The following PELI1 variants were observed in gnomAD, a reference collection of about 807,000 sequenced individuals.
PELI1 encodes the protein pellino E3 ubiquitin protein ligase 1, also known as E3 ubiquitin-protein ligase pellino homolog 1.
A neutral mutation model predicts 41.3 loss-of-function variants in PELI1; 15 were observed. The ratio of observed to expected loss-of-function variants is 0.36; its 90% CI spans 0.24 to 0.56. PELI1 has a LOEUF of 0.56. Ranked by LOEUF, PELI1 falls within the 20% of genes least tolerant of loss-of-function variation. PELI1 has a pLI of 0.82. For synonymous variants in PELI1, 178 were observed against 180.1 expected, an observed-to-expected ratio of 0.99 and a Z score of 0.09; for missense variants, 403 against 525.5, an observed-to-expected ratio of 0.77 and a Z score of 2.28.
intron 2 of PELI1, among the ~76,000 whole-genome samples, chr2:64,106,748 T>C (rs1680634682): frequency 6.6e-6 from 1 of 152,132 alleles, no homozygotes; most frequent in Admixed American, 6.5e-5. Flanking sequence ...ATTCTAGGAT[T>C]CCTAACATCC....
rs904401938 is a variant in PELI1, at chr2:64,094,568, A to G, written c.*134T>C. ...TGCTCAGAAATTGCTACTATTTATT[A>G]TAAATGTTTTAAAAAATTCTTCATC... On this transcript the variant is annotated 3_prime_UTR_variant, in exon 7 of 7. Transcript: ENST00000358912. 6 of 566,492 alleles carry G rather than the reference A, an allele frequency of 1.1e-5. No individual in the cohort carries two copies. The highest frequency in any genetic ancestry group is 7.5e-5 in the African/African-American group (4 of 53,554). The allele number at this position is 566,492 out of a possible 1,614,324, so 35.1% of individuals were successfully genotyped here.
rs1248124617 is a variant in PELI1, at chr2:64,096,543, T to C, written c.371A>G (p.Asn124Ser). Residue 124 changes from asparagine to serine, a missense_variant, in exon 5 of 7, where the codon AAT becomes AGT. Transcript: ENST00000358912. ...GCTTTGTACTGACTGTGTATCAGAA[T>C]TACTTTGACTTCCAGGAACCGTGTC... ...VTDTVPGSQSNSDTQSVQSTI... is the reference protein window; with the variant it reads ...VTDTVPGSQSSSDTQSVQSTI... 1 of 1,612,436 alleles carries C rather than the reference T, an allele frequency of 6.2e-7. No individual in the cohort carries two copies. The highest frequency in any genetic ancestry group is 8.5e-7 in the Non-Finnish European group (1 of 1,178,534).
rs182143118 is a variant in PELI1, at chr2:64,112,205, A to C, written c.-69-3826T>G. On this transcript the variant is annotated intron_variant, in intron 1 of 6. Coordinates refer to ENST00000358912, the MANE Select transcript of PELI1 (RefSeq NM_020651.4). ...AAGTGTAAATGCCCGTATTTGGCTG[A>C]CATTAGTATATCACATGGCTAGCAA... is the stretch of plus-strand genomic sequence containing the variant. 1.6e-3 allele frequency among the ~76,000 whole-genome samples: 239 copies of C among 152,340 alleles called. 1 individual carries two copies. The highest frequency in any genetic ancestry group is 5.4e-3 in the African/African-American group (224 of 41,580).
In PELI1 at chr2:64,131,465, TA is replaced by T. The variant is rs932801998; in HGVS notation, c.-70+12615del. Among the ~76,000 whole-genome samples, 36 of 152,296 alleles carry T rather than the reference TA, an allele frequency of 2.4e-4. No homozygotes were observed. The East Asian group carries it at 6.9e-3, about 29-fold the overall frequency. ...TATTTATTGTTGTATTGTTATTTTT[TA>T]TTATATTTGTTTTCCAAATATTTTT... is the stretch of plus-strand genomic sequence containing the variant. On this transcript the variant is annotated intron_variant, in intron 1 of 6. Transcript: ENST00000358912.
At chr2:64,105,794 C>T (rs1680599233) in intron 2 of PELI1, among the ~76,000 whole-genome samples, 1 of 152,172 alleles carries the variant, frequency 6.6e-6, no homozygotes, top group African/African-American at 2.4e-5. Flanking sequence ...CACCGTCCAC[C>T]TCCCCTGCCC....
intron 4 of PELI1, among the ~76,000 whole-genome samples, chr2:64,099,463 T>G (rs947955660): frequency 6.6e-6 from 1 of 152,168 alleles, no homozygotes; most frequent in African/African-American, 2.4e-5. Context: ...TTATTTTTGG[T>G]AAAAGTGAGG....
intron 1 of PELI1, among the ~76,000 whole-genome samples, chr2:64,109,270 A>G (rs1680725824): frequency 1.3e-5 from 2 of 152,244 alleles, no homozygotes; most frequent in African/African-American, 4.8e-5. Flanking sequence ...AAGCAGTGTC[A>G]ATAAAAGCCA....
chr2:64,122,294 C>CCTCAGTTG, intron 1 of PELI1, among the ~76,000 whole-genome samples: 1 of 145,648 alleles, frequency 6.9e-6, no homozygotes, highest in Non-Finnish European at 1.5e-5. Flanking sequence ...CTAGCAATTA[C>CCTCAGTTG]CTCAGTTGAG....
intron 1 of PELI1, among the ~76,000 whole-genome samples, chr2:64,142,894 G>C (rs1681959335): frequency 6.6e-6 from 1 of 152,166 alleles, no homozygotes; most frequent in African/African-American, 2.4e-5. Flanking sequence ...GTAACATTTT[G>C]CAGAGTAAGA....
intron 1 of PELI1, among the ~76,000 whole-genome samples, chr2:64,121,896 A>T (rs1438645371): frequency 6.7e-6 from 1 of 148,210 alleles, no homozygotes; most frequent in Non-Finnish European, 1.5e-5. Flanking sequence ...CAAGAGCAAA[A>T]CTCCGTCTTC....
At chr2:64,100,246 T>G in intron 4 of PELI1, 152 bp downstream of exon 4, 1 of 575,566 alleles carries the variant, frequency 1.7e-6, no homozygotes, top group Non-Finnish European at 3.0e-6. Flanking sequence ...CATGCTAGAT[T>G]GACTTCTATT....
rs367958241 is a variant in PELI1 at position 64,135,108 on chromosome 2, G to C, written c.-70+8973C>G. Among the ~76,000 whole-genome samples, 234 of 152,180 alleles carry C rather than the reference G, an allele frequency of 1.5e-3. 2 individuals carry two copies. In the Middle Eastern group the frequency reaches 0.02, roughly 13 times the overall value. On this transcript the variant is annotated intron_variant, in intron 1 of 6. Coordinates refer to ENST00000358912, the MANE Select transcript of PELI1 (RefSeq NM_020651.4). Reference sequence around the variant, plus strand: ...ATGGTTAGTATTACAGTAATGATGAGGTCCCCAATTGTTTGACATTTTTAG... The same window carrying C: ...ATGGTTAGTATTACAGTAATGATGACGTCCCCAATTGTTTGACATTTTTAG...
intron 1 of PELI1, among the ~76,000 whole-genome samples, chr2:64,118,764 T>G (rs1461344870): frequency 6.6e-6 from 1 of 152,174 alleles, no homozygotes. Context: ...TATTTAAATA[T>G]TAAATTGTAG....
At chr2:64,111,806 C>T (rs1406833100) in intron 1 of PELI1, among the ~76,000 whole-genome samples, 9 of 151,988 alleles carry the variant, frequency 5.9e-5, no homozygotes, top group Non-Finnish European at 8.8e-5. Context: ...TATTCATGCC[C>T]TCTCATTTCC....
At chr2:64,097,103 G>T (rs989282624) in intron 4 of PELI1, among the ~76,000 whole-genome samples, 1 of 152,170 alleles carries the variant, frequency 6.6e-6, no homozygotes, top group African/African-American at 2.4e-5. Context: ...GCTACAAGAG[G>T]TATACAAGGC....
intron 1 of PELI1, among the ~76,000 whole-genome samples, chr2:64,118,049 T>G (rs1681060066): frequency 6.6e-6 from 1 of 152,170 alleles, no homozygotes; most frequent in Non-Finnish European, 1.5e-5. Flanking sequence ...GACCTCGTGA[T>G]CTGCCCAACT....
At position 64,094,632 on chromosome 2, in the gene PELI1, A is replaced by C; in HGVS notation, c.*70T>G. On this transcript the variant is annotated 3_prime_UTR_variant, in exon 7 of 7. Transcript: ENST00000358912. ...CCAGAGCAGAAAAACTGTGACGTGGACAACAGGTTCGAAAACCCAACTCAC... is the reference window on the plus strand; with the variant it reads ...CCAGAGCAGAAAAACTGTGACGTGGCCAACAGGTTCGAAAACCCAACTCAC... 1 of 1,054,406 alleles carries C rather than the reference A, an allele frequency of 9.5e-7. No individual in the cohort carries two copies. The highest frequency in any genetic ancestry group is 1.4e-6 in the Non-Finnish European group (1 of 704,662). 65.3% of individuals were successfully genotyped at this position (1,054,406 alleles called of 1,614,324 possible). A position where few individuals can be genotyped will look rare whatever the true frequency, so the allele number is the denominator to read the frequency against.
At chr2:64,121,828 C>A (rs1436061258) in intron 1 of PELI1, among the ~76,000 whole-genome samples, 9 of 151,784 alleles carry the variant, frequency 5.9e-5, no homozygotes, top group Non-Finnish European at 8.8e-5. Context: ...TAGCTTGAAC[C>A]CGGGAGGCGG....
chr2:64,097,630 AT>A (rs879712379), intron 4 of PELI1, among the ~76,000 whole-genome samples: 4 of 152,240 alleles, frequency 2.6e-5, no homozygotes, highest in Non-Finnish European at 2.9e-5. Context: ...ACATTTGGAA[AT>A]TATCAGTTCA....
Sources: gnomAD v4.1 joint callset for allele counts (sites outside exome capture counted in the v4.1 genomes callset) on GRCh38, gnomAD v4.1.1 for gene constraint, MANE v1.5 for transcripts, NCBI Gene and HGNC (gene_info 2026-07-23, HGNC 2026-07-21) for gene names.